Variants in CNTN4 observed in about 807,000 individuals in gnomAD.
The protein encoded by CNTN4 is contactin 4.
CNTN4 carries 77 observed loss-of-function variants against 122.5 expected under a neutral mutation model. The ratio of observed to expected loss-of-function variants is 0.63; its 90% CI spans 0.52 to 0.76. CNTN4 has a LOEUF of 0.76. Among genes scored for constraint, CNTN4 ranks in the 30% least tolerant of loss-of-function variants. The probability of loss-of-function intolerance (pLI) is 0.00; values close to 1 mark genes in which losing one functional copy is unlikely to be tolerated. For missense variants in CNTN4, 1,256 were observed against 1,259.1 expected (o/e 1.00, Z 0.04); for synonymous variants, 512 against 447.0 (o/e 1.15, Z -1.83).
chr3:2,642,967 G>T (rs761554167), intron 4 of CNTN4, among the ~76,000 whole-genome samples: 15 of 152,032 alleles, frequency 9.9e-5, no homozygotes, highest in Non-Finnish European at 1.6e-4. Flanking sequence ...AGGGCAGTGG[G>T]GATGGTAATA....
chr3:2,785,108 C>T (rs1440247426), intron 6 of CNTN4, among the ~76,000 whole-genome samples: 2 of 138,440 alleles, frequency 1.4e-5, no homozygotes, highest in Admixed American at 1.5e-4. Flanking sequence ...CACATTTGTA[C>T]ATGCGTACAC....
chr3:2,131,749 C>T (rs1315766777), intron 2 of CNTN4, among the ~76,000 whole-genome samples: 4 of 152,140 alleles, frequency 2.6e-5, no homozygotes, highest in African/African-American at 7.2e-5. Flanking sequence ...TTAAGTTTAC[C>T]ACCTGCTTGA....
chr3:2,502,642 CT>C (rs2076627334), intron 3 of CNTN4, among the ~76,000 whole-genome samples: 1 of 152,018 alleles, frequency 6.6e-6, no homozygotes, highest in Non-Finnish European at 1.5e-5. Context: ...TTTTTCTTTC[CT>C]TTTGTTTAAC....
rs17029518 is a variant in CNTN4, at chr3:2,279,479, A to G, written c.-144-59699A>G. 8.1e-3 allele frequency among the ~76,000 whole-genome samples: 1,227 copies of G among 152,336 alleles called. 18 individuals carry two copies. The highest frequency in any genetic ancestry group is 0.028 in the African/African-American group (1,162 of 41,580). On this transcript the variant is annotated intron_variant, in intron 2 of 24. Coordinates refer to ENST00000418658, the MANE Select transcript of CNTN4 (RefSeq NM_175607.3). Reference sequence around the variant, plus strand: ...GACATCATCACATGGATGCAATCAGACAAATGACACGTGCGAGACATTCTG... The same window carrying G: ...GACATCATCACATGGATGCAATCAGGCAAATGACACGTGCGAGACATTCTG...
At chr3:3,055,918 C>T in intron 24 of CNTN4, among the ~76,000 whole-genome samples, 1 of 152,144 alleles carries the variant, frequency 6.6e-6, no homozygotes, top group Non-Finnish European at 1.5e-5. Flanking sequence ...AATGCTTTGA[C>T]AGAGGTACAG....
chr3:2,736,970 G>C (rs1400476693), intron 5 of CNTN4, among the ~76,000 whole-genome samples: 4 of 151,848 alleles, frequency 2.6e-5, no homozygotes, highest in African/African-American at 7.3e-5. Context: ...TTTTAGCAGA[G>C]ACAGGATTTC....
At chr3:2,449,614 C>CAAAAA (rs34181793) in intron 3 of CNTN4, among the ~76,000 whole-genome samples, 1 of 126,044 alleles carries the variant, frequency 7.9e-6, no homozygotes, top group Non-Finnish European at 1.7e-5. Context: ...GACTCCATCT[C>CAAAAA]AAAAAAAAAA....
In CNTN4 at chr3:2,753,560, G is replaced by C. The variant is rs578205321; in HGVS notation, c.358+7863G>C. On this transcript the variant is annotated intron_variant, in intron 6 of 24. Coordinates refer to ENST00000418658, the MANE Select transcript of CNTN4 (RefSeq NM_175607.3). ...GATACAGCAGTGGGAGAAGGGACCA[G>C]CATAGGAACCTGGTCACCTGAGTCT... Among the ~76,000 whole-genome samples the C allele has an allele frequency of 1.2e-4, 18 of 152,332 alleles. No individual in the cohort carries two copies. In the East Asian group the frequency reaches 2.3e-3, roughly 20 times the overall value.
At chr3:2,610,803 T>C (rs1378429334) in intron 4 of CNTN4, among the ~76,000 whole-genome samples, 1 of 152,166 alleles carries the variant, frequency 6.6e-6, no homozygotes. Context: ...CAGAGTGTAT[T>C]GTCTGAGAAT....
At chr3:2,650,241 T>A (rs1321628898) in intron 4 of CNTN4, among the ~76,000 whole-genome samples, 1 of 151,748 alleles carries the variant, frequency 6.6e-6, no homozygotes, top group Admixed American at 6.6e-5. Flanking sequence ...CAACTGCAGA[T>A]GTGGTGGAAA....
intron 2 of CNTN4, among the ~76,000 whole-genome samples, chr3:2,320,330 A>C (rs377193585): frequency 7.2e-5 from 11 of 152,324 alleles, no homozygotes; most frequent in African/African-American, 2.6e-4. Context: ...AAAAGTAATC[A>C]AGATGAATTA....
chr3:2,602,582 A>G (rs2081092640), intron 4 of CNTN4, among the ~76,000 whole-genome samples: 1 of 152,212 alleles, frequency 6.6e-6, no homozygotes, highest in Admixed American at 6.5e-5. Flanking sequence ...GCTCAACAAA[A>G]TAAAAGAGGA....
At chr3:2,356,038 G>A (rs1440027632) in intron 3 of CNTN4, among the ~76,000 whole-genome samples, 1 of 152,076 alleles carries the variant, frequency 6.6e-6, no homozygotes, top group African/African-American at 2.4e-5. Context: ...TTTCCTGACT[G>A]CTAATCTTGT....
chr3:2,450,752 T>C (rs182464588), intron 3 of CNTN4, among the ~76,000 whole-genome samples: 1 of 152,218 alleles, frequency 6.6e-6, no homozygotes, highest in Non-Finnish European at 1.5e-5. Flanking sequence ...GCCCCCACTT[T>C]GAATTAAGAT....
intron 12 of CNTN4, among the ~76,000 whole-genome samples, 153 bp downstream of exon 12, chr3:2,903,158 T>C (rs937159878): frequency 1.1e-4 from 17 of 152,178 alleles, no homozygotes; most frequent in South Asian, 2.1e-4. Context: ...AATAAGCAAG[T>C]CTATAAACAA....
In CNTN4 at chr3:2,286,408, A is replaced by G. The variant is rs17011805; in HGVS notation, c.-144-52770A>G. On this transcript the variant is annotated intron_variant, in intron 2 of 24. Transcript: ENST00000418658. ...AAAATATTGTGAAACCTGAAAAGAA[A>G]ATACCACAACCCCAAGCAGAAAGGG... 8.0e-3 allele frequency among the ~76,000 whole-genome samples: 1,212 copies of G among 151,870 alleles called. 19 individuals carry two copies. The highest frequency in any genetic ancestry group is 0.028 in the African/African-American group (1,148 of 41,416).
At chr3:3,052,444 T>C (rs529984780) in intron 23 of CNTN4, among the ~76,000 whole-genome samples, 41 of 149,908 alleles carry the variant, frequency 2.7e-4, no homozygotes, top group South Asian at 1.8e-3. Context: ...AGCTACAGCA[T>C]AAGTATTTTA....
intron 4 of CNTN4, among the ~76,000 whole-genome samples, chr3:2,669,171 A>T (rs1346735033): frequency 1.3e-5 from 2 of 152,230 alleles, no homozygotes; most frequent in African/African-American, 4.8e-5. Context: ...GAATGGTACC[A>T]GCTCCTCCTT....
At chr3:2,179,191 A>C (rs980271287) in intron 2 of CNTN4, among the ~76,000 whole-genome samples, 1 of 152,104 alleles carries the variant, frequency 6.6e-6, no homozygotes, top group Non-Finnish European at 1.5e-5. Flanking sequence ...AGTAATCATC[A>C]TGTAATTGCA....
Sources: allele counts gnomAD v4.1 joint callset (sites outside exome capture counted in the v4.1 genomes callset), GRCh38; gene constraint gnomAD v4.1.1; transcripts MANE v1.5; gene names NCBI Gene and HGNC (gene_info 2026-07-23, HGNC 2026-07-21).